Variants in FAM153A observed in about 807,000 individuals in gnomAD.
The protein encoded by FAM153A is protein FAM153A.
A neutral mutation model predicts 48.1 loss-of-function variants in FAM153A; 12 were observed. That is an observed-to-expected ratio of 0.25 (90% CI 0.16 to 0.40). The LOEUF is 0.40. Ranked by LOEUF, FAM153A falls within the 10% of genes least tolerant of loss-of-function variation. The pLI, the probability that FAM153A is intolerant of heterozygous loss-of-function variation, is 1.00. For synonymous variants in FAM153A, 36 were observed against 118.2 expected (o/e 0.30, Z 4.51); for missense variants, 111 against 345.8 (o/e 0.32, Z 5.38).
chr5:177,759,803 G>A (rs564812035), intron 1 of FAM153A, among the ~76,000 whole-genome samples: 13 of 150,904 alleles, frequency 8.6e-5, no homozygotes, highest in South Asian at 8.4e-4. Context: ...ATCACACACC[G>A]GGGCCTGTTG....
chr5:177,750,169 C>G (rs1243167808), intron 2 of FAM153A: 6 of 151,874 alleles, frequency 4.0e-5, no homozygotes, highest in African/African-American at 1.5e-4. Flanking sequence ...GATTCCAACT[C>G]TATAAAATTC....
the FAM153A span, among the ~76,000 whole-genome samples, chr5:177,702,429 TTTA>T: frequency 6.6e-6 from 1 of 151,890 alleles, no homozygotes; most frequent in Non-Finnish European, 1.5e-5. Context: ...GGAACTTATA[TTTA>T]AAGGGGAAGC....
chr5:177,766,132 C>CA lies in FAM153A; in HGVS notation c.-57+14316dup, dbSNP rs1371722698. Among the ~76,000 whole-genome samples, 43 of 95,828 alleles carry CA rather than the reference C, an allele frequency of 4.5e-4. 1 individual carries two copies. Among genetic ancestry groups the CA allele is most frequent in the African/African-American group, 1.5e-3 (42 of 27,222 alleles). The allele number at this position is 95,828 out of a possible 152,430, so 62.9% of individuals were successfully genotyped here. A position where few individuals can be genotyped will look rare whatever the true frequency, so the allele number is the denominator to read the frequency against. ...ACTGTCTCAAAAAAACAAAATAAAA[C>CA]AAAAAACAAACAGAAAAACATGCCA... On this transcript the variant is annotated intron_variant, in intron 1 of 8. Transcript: ENST00000393518.
At chr5:177,739,084 T>C in intron 10 of FAM153A, 29 bp downstream of exon 12, 1 of 1,611,672 alleles carries the variant, frequency 6.2e-7, no homozygotes, top group African/African-American at 1.4e-5. Context: ...GATTTTTCCT[T>C]AGCAAAAAGG....
At chr5:177,734,920 A>T in exon 13 of FAM153A, 1 of 1,540,530 alleles carries the variant, frequency 6.5e-7, no homozygotes, top group Non-Finnish European at 8.8e-7. Flanking sequence ...CCTGAAGTAC[A>T]TCCCTGATCA....
Position 177,713,639 on chromosome 5 carries a change from C to T in FAM153A, c.*1391+109G>A, listed in dbSNP as rs552529923. 2.0e-5 allele frequency: 3 copies of T among 151,980 alleles called. No homozygotes were observed. The South Asian group carries it at 6.2e-4, about 32-fold the overall frequency. The allele number at this position is 151,980 out of a possible 1,614,324, so 9.4% of individuals were successfully genotyped here. A position where few individuals can be genotyped will look rare whatever the true frequency, so the allele number is the denominator to read the frequency against. On this transcript the variant is annotated intron_variant and NMD_transcript_variant, in intron 26 of 26. Transcript: ENST00000360669. ...GCCAGGATGGTCTCTATCTCCTGAC[C>T]TCATGATCTGCCTGCCTTGGCCTCC...
downstream of FAM153A, among the ~76,000 whole-genome samples, chr5:177,709,092 TCAAAAAAAAAAAAAAAAAAA>T (rs1229173965): frequency 8.5e-5 from 2 of 23,450 alleles, no homozygotes; most frequent in African/African-American, 1.7e-4. Context: ...AGACTCCGTC[TCAAAAAAAAAAAAAAAAAAA>T]AAAAAAAAAA....
At chr5:177,718,979 C>G (rs1445865850), downstream of FAM153A, among the ~76,000 whole-genome samples, 1 of 151,454 alleles carries the variant, frequency 6.6e-6, no homozygotes, top group Admixed American at 6.6e-5. Flanking sequence ...CTCCCAGATT[C>G]AAGCCATCCT....
chr5:177,778,688 A>T (rs1769419464), intron 1 of FAM153A, among the ~76,000 whole-genome samples: 1 of 96,654 alleles, frequency 1.0e-5, no homozygotes, highest in Non-Finnish European at 2.1e-5. Context: ...TGAAAGAATC[A>T]TTTAAGGCCA....
chr5:177,750,301 G>A (rs1490915003), intron 2 of FAM153A: 1 of 154,264 alleles, frequency 6.5e-6, no homozygotes, highest in East Asian at 1.9e-4. Flanking sequence ...ATTCCGTCAG[G>A]GTGACAAAAG....
downstream of FAM153A, among the ~76,000 whole-genome samples, chr5:177,704,552 G>A (rs1423846476): frequency 2.7e-5 from 4 of 145,592 alleles, no homozygotes; most frequent in Admixed American, 6.8e-5. Context: ...CATGGTGGGA[G>A]GTGATTGGAC....
chr5:177,750,444 A>C (rs1766709420), intron 2 of FAM153A: 1 of 177,010 alleles, frequency 5.6e-6, no homozygotes, highest in African/African-American at 2.5e-5. Context: ...TTCTGTTCAT[A>C]AGAATGTATC....
intron 25 of FAM153A, chr5:177,713,950 G>A (rs1759046673): frequency 6.6e-6 from 1 of 151,884 alleles, no homozygotes; most frequent in Admixed American, 6.6e-5. Context: ...ATTTAGTAAA[G>A]CCAGTTGTGT....
At chr5:177,753,172 A>G in intron 1 of FAM153A, 2 of 1,611,202 alleles carry the variant, frequency 1.2e-6, no homozygotes, top group Non-Finnish European at 1.7e-6. Flanking sequence ...ATGAACATAC[A>G]TACCTTCAAG....
chr5:177,757,728 A>C (rs6882402), upstream of FAM153A, among the ~76,000 whole-genome samples: 47,037 of 138,576 alleles, frequency 0.34, 8,047 homozygotes, highest in Non-Finnish European at 0.38. Context: ...GACAAAAACC[A>C]CATGATTATC....
chr5:177,700,675 G>A, the FAM153A span, among the ~76,000 whole-genome samples: 98 of 151,852 alleles, frequency 6.5e-4, 1 homozygote, highest in African/African-American at 2.2e-3. Flanking sequence ...GGTGGCAGGC[G>A]CCTGTAATCC....
chr5:177,746,258 A>G (rs1295628115), intron 4 of FAM153A, among the ~76,000 whole-genome samples: 1 of 149,092 alleles, frequency 6.7e-6, no homozygotes, highest in Non-Finnish European at 1.5e-5. Context: ...CTCCCTGAGT[A>G]GCTGGTATTA....
chr5:177,744,879 TG>T lies in FAM153A; in HGVS notation c.339+8del. The T allele has an allele frequency of 2.3e-6, 3 of 1,321,268 alleles. No individual in the cohort carries two copies. The highest frequency in any genetic ancestry group is 3.1e-6 in the Non-Finnish European group (3 of 970,456). The allele number at this position is 1,321,268 out of a possible 1,614,324, so 81.8% of individuals were successfully genotyped here. A position where few individuals can be genotyped will look rare whatever the true frequency, so the allele number is the denominator to read the frequency against. Reference sequence around the variant, plus strand: ...CAGTTTTTTCTCAGACAAATCCAGGTGGCCTGACCTTCATCGCCTCTTGGTA... The same window carrying T: ...CAGTTTTTTCTCAGACAAATCCAGGTGCCTGACCTTCATCGCCTCTTGGTA... On this transcript the variant is annotated splice_region_variant and intron_variant, in intron 5 of 20. Coordinates refer to ENST00000614127, the Ensembl canonical transcript of FAM153A.
the FAM153A span, among the ~76,000 whole-genome samples, chr5:177,702,052 C>T: frequency 2.1e-4 from 32 of 151,736 alleles, no homozygotes; most frequent in African/African-American, 5.1e-4. Context: ...GGACTACAGG[C>T]GCCCGCCATC....
Sources: allele counts gnomAD v4.1 joint callset (sites outside exome capture counted in the v4.1 genomes callset), GRCh38; gene constraint gnomAD v4.1.1; transcripts MANE v1.5; gene names NCBI Gene and HGNC (gene_info 2026-07-23, HGNC 2026-07-21).